STARD13: variants seen among roughly 807,000 people sequenced by gnomAD.
The protein encoded by STARD13 is stAR-related lipid transfer protein 13.
Under a neutral mutation model 106.4 loss-of-function variants are expected in STARD13, and 62 were observed. That is an observed-to-expected ratio of 0.58 (90% CI 0.48 to 0.72). The LOEUF is 0.72. Ranked by LOEUF, STARD13 falls within the 30% of genes least tolerant of loss-of-function variation. The pLI is 0.00. For missense variants in STARD13, 1,387 were observed against 1,424.0 expected, an observed-to-expected ratio of 0.97 and a Z score of 0.42; for synonymous variants, 565 against 553.0, an observed-to-expected ratio of 1.02 and a Z score of -0.31.
the STARD13 span, among the ~76,000 whole-genome samples, chr13:33,383,147 T>G: frequency 6.6e-6 from 1 of 152,238 alleles, no homozygotes; most frequent in Non-Finnish European, 1.5e-5. Flanking sequence ...TCTCCCACTA[T>G]TTCCCTTTCT....
At chr13:33,407,334 G>A in the STARD13 span, among the ~76,000 whole-genome samples, 1 of 152,162 alleles carries the variant, frequency 6.6e-6, no homozygotes, top group South Asian at 2.1e-4. Flanking sequence ...GAAGGCCTAG[G>A]TGTTCCATCT....
At chr13:33,423,279 C>A in the STARD13 span, among the ~76,000 whole-genome samples, 1 of 152,244 alleles carries the variant, frequency 6.6e-6, no homozygotes, top group Non-Finnish European at 1.5e-5. Context: ...AAAAAGTGGG[C>A]AAAGGATATG....
At chr13:33,354,039 C>A (rs2078104188), upstream of STARD13, among the ~76,000 whole-genome samples, 1 of 152,158 alleles carries the variant, frequency 6.6e-6, no homozygotes, top group Non-Finnish European at 1.5e-5. Context: ...CCTTCCAAAC[C>A]TGCTCTTTCA....
the STARD13 span, among the ~76,000 whole-genome samples, chr13:33,499,519 T>TTTCTTTCTTTCTTCTTC: frequency 1.1e-5 from 1 of 91,978 alleles, no homozygotes; most frequent in African/African-American, 4.0e-5. Context: ...TTCTTCTTTC[T>TTTCTTTCTTTCTTCTTC]TTCTTCTTCT....
the STARD13 span, among the ~76,000 whole-genome samples, chr13:33,474,197 G>A: frequency 6.6e-6 from 1 of 152,148 alleles, no homozygotes; most frequent in Non-Finnish European, 1.5e-5. Flanking sequence ...TTATGCTGCT[G>A]TTCTAACCAG....
the STARD13 span, among the ~76,000 whole-genome samples, chr13:33,672,809 C>T: frequency 5.3e-4 from 80 of 152,278 alleles, no homozygotes; most frequent in African/African-American, 1.8e-3. Flanking sequence ...AAATTACTTT[C>T]GACTAAATAA....
At chr13:33,540,136 A>T in the STARD13 span, among the ~76,000 whole-genome samples, 2 of 152,218 alleles carry the variant, frequency 1.3e-5, no homozygotes, top group Admixed American at 6.5e-5. Context: ...ATGTTCCAAG[A>T]ACCTAGTGGA....
the STARD13 span, among the ~76,000 whole-genome samples, chr13:33,627,754 C>T: frequency 2.6e-5 from 4 of 152,116 alleles, no homozygotes; most frequent in Non-Finnish European, 5.9e-5. Flanking sequence ...ATGTGAGCAC[C>T]CAAGCCTGCC....
intron 1 of STARD13, among the ~76,000 whole-genome samples, chr13:33,282,503 T>A (rs565928545): frequency 2.7e-4 from 41 of 152,294 alleles, no homozygotes; most frequent in African/African-American, 9.6e-4. Flanking sequence ...CTCACTATAA[T>A]GAGGTCAGTG....
chr13:33,429,927 T>TGGGG, the STARD13 span, among the ~76,000 whole-genome samples: 2 of 137,724 alleles, frequency 1.5e-5, no homozygotes, highest in African/African-American at 5.9e-5. Flanking sequence ...ACTTTTTTTT[T>TGGGG]GGGGGGGGGG....
chr13:33,363,033 C>A, the STARD13 span, among the ~76,000 whole-genome samples: 21,974 of 152,150 alleles, frequency 0.14, 1,710 homozygotes, highest in Middle Eastern at 0.2. Context: ...AACTCCAGGA[C>A]CTTTGTCTCC....
At chr13:33,140,281 G>T (rs1484477520) in intron 4 of STARD13, among the ~76,000 whole-genome samples, 2 of 152,196 alleles carry the variant, frequency 1.3e-5, no homozygotes, top group Non-Finnish European at 2.9e-5. Flanking sequence ...CTAATGGTCG[G>T]TATAGGCAGC....
At chr13:33,533,440 G>T in the STARD13 span, among the ~76,000 whole-genome samples, 5 of 152,146 alleles carry the variant, frequency 3.3e-5, no homozygotes, top group Non-Finnish European at 1.5e-5. Flanking sequence ...AAGGTAACCA[G>T]AGGATGTTTT....
chr13:33,647,183 T>C, the STARD13 span, among the ~76,000 whole-genome samples: 1 of 152,244 alleles, frequency 6.6e-6, no homozygotes, highest in African/African-American at 2.4e-5. Flanking sequence ...TAGAAGGGTT[T>C]GATGGCATGT....
At chr13:33,661,931 C>G in the STARD13 span, among the ~76,000 whole-genome samples, 3 of 151,342 alleles carry the variant, frequency 2.0e-5, no homozygotes, top group Non-Finnish European at 4.4e-5. Context: ...TGATTATATT[C>G]TAATATACAT....
At chr13:33,350,937 C>T (rs1002202001), upstream of STARD13, among the ~76,000 whole-genome samples, 1 of 43,050 alleles carries the variant, frequency 2.3e-5, no homozygotes, top group African/African-American at 3.8e-5. Context: ...AAACTACCAC[C>T]TTCACAACTA....
the STARD13 span, among the ~76,000 whole-genome samples, chr13:33,368,269 A>C: frequency 6.6e-6 from 1 of 152,174 alleles, no homozygotes; most frequent in Non-Finnish European, 1.5e-5. Flanking sequence ...CTTTCAGTGA[A>C]ATGGTACTCC....
chr13:33,333,502 A>T (rs1445838026), intron 1 of STARD13, among the ~76,000 whole-genome samples: 1 of 152,230 alleles, frequency 6.6e-6, no homozygotes, highest in Admixed American at 6.5e-5. Flanking sequence ...GAAAATTTCC[A>T]ATTGCACCTT....
the STARD13 span, among the ~76,000 whole-genome samples, chr13:33,655,814 T>A: frequency 5.3e-5 from 8 of 152,196 alleles, no homozygotes; most frequent in Admixed American, 6.5e-5. Flanking sequence ...AGAAGGAGGT[T>A]CTGGAATTGG....
Sources: gnomAD v4.1 joint callset for allele counts (sites outside exome capture counted in the v4.1 genomes callset) on GRCh38, gnomAD v4.1.1 for gene constraint, MANE v1.5 for transcripts, NCBI Gene and HGNC (gene_info 2026-07-23, HGNC 2026-07-21) for gene names.